Variants in RUBCNL observed in about 807,000 individuals in gnomAD.
The protein encoded by RUBCNL is rubicon like autophagy enhancer.
A neutral mutation model predicts 69.5 loss-of-function variants in RUBCNL; 62 were observed. That is an observed-to-expected ratio of 0.89 (90% CI 0.73 to 1.10). RUBCNL has a LOEUF of 1.10. Ranked by LOEUF, RUBCNL falls within the 50% of genes least tolerant of loss-of-function variation. RUBCNL has a pLI of 0.00. For missense variants in RUBCNL, 768 were observed against 798.1 expected (o/e 0.96, Z 0.45); for synonymous variants, 291 against 303.6 (o/e 0.96, Z 0.43).
chr13:46,356,567 G>A, intron 9 of RUBCNL, 71 bp from the exon 10 acceptor site: 1 of 1,328,082 alleles, frequency 7.5e-7, no homozygotes, highest in Non-Finnish European at 1.1e-6. Context: ...AATTAGAAAA[G>A]AAATTGCCAT....
rs560528077 is a variant in RUBCNL at position 46,335,451 on chromosome 13, C to T, written c.*7934G>A. Among the ~76,000 whole-genome samples, 4 of 151,874 alleles carry T rather than the reference C, an allele frequency of 2.6e-5. No individual in the cohort carries two copies. The highest frequency in any genetic ancestry group is 2.1e-4 in the South Asian group (1 of 4,812). ...AGAGGGTTTAATCCACGGAGATAGA[C>T]GATCTGATTTATGCTTTATAAACAT... is the stretch of plus-strand genomic sequence containing the variant. On this transcript the variant is annotated 3_prime_UTR_variant, in exon 15 of 15. Coordinates refer to ENST00000429979, the MANE Select transcript of RUBCNL (RefSeq NM_025113.5).
At position 46,339,964 on chromosome 13, in the gene RUBCNL, G is replaced by GT. The variant is rs1174724440; in HGVS notation, c.*3420dup. On this transcript the variant is annotated 3_prime_UTR_variant, in exon 15 of 15. Coordinates refer to ENST00000429979, the MANE Select transcript of RUBCNL (RefSeq NM_025113.5). ...GAAATCAAGGGGTCAGCCATGTTGG[G>GT]TTTTTTTTTTAAGGCTCTGAGGAAG... Among the ~76,000 whole-genome samples, 15 of 148,422 alleles carry GT rather than the reference G, an allele frequency of 1.0e-4. No individual in the cohort carries two copies. The highest frequency in any genetic ancestry group is 1.5e-4 in the African/African-American group (6 of 40,576).
chr13:46,340,544 G>A lies in RUBCNL; in HGVS notation c.*2841C>T, dbSNP rs2048134290. Among the ~76,000 whole-genome samples, 1 of 152,182 alleles carries A rather than the reference G, an allele frequency of 6.6e-6. No homozygotes were observed. Among genetic ancestry groups the A allele is most frequent in the African/African-American group, 2.4e-5 (1 of 41,440 alleles). On this transcript the variant is annotated 3_prime_UTR_variant, in exon 15 of 15. Coordinates refer to ENST00000429979, the MANE Select transcript of RUBCNL (RefSeq NM_025113.5). ...AGATAATTTAAATGGCTTCCCCAGT[G>A]TCTGAGTCTATTTGTGTTGCTATAA...
At chr13:46,352,980 T>C (rs1302361395) in intron 10 of RUBCNL, among the ~76,000 whole-genome samples, 3 of 152,142 alleles carry the variant, frequency 2.0e-5, no homozygotes, top group Admixed American at 6.5e-5. Flanking sequence ...ATTTCACTGA[T>C]GAAAGCACAA....
At position 46,372,128 on chromosome 13, in the gene RUBCNL, A is replaced by G; in HGVS notation, c.348T>C (p.Ser116=). The stretch of plus-strand genomic sequence containing the variant: ...TACTCTTTTCACTCGAGCCATGGGG[A>G]GAAGCGCTGCCAACGGAGTCTGTGG... The part of the protein sequence containing the change: ...EDTTDSVGSA[S]PHGSSEKSSS... Residue 116 remains serine, a synonymous_variant, in exon 3 of 15, where the codon TCT becomes TCC. Transcript: ENST00000429979. The G allele has an allele frequency of 1.9e-6, 3 of 1,613,962 alleles. No individual in the cohort carries two copies. The highest frequency in any genetic ancestry group is 1.7e-6 in the Non-Finnish European group (2 of 1,179,894).
rs373067134 is a variant in RUBCNL at position 46,368,212 on chromosome 13, G to A, written c.656C>T (p.Ser219Leu). ...AHFYVADMIISAMEKMKCNIL... is the reference protein window; with the variant it reads ...AHFYVADMIILAMEKMKCNIL... ...GTTACACTTCATTTTCTCCATTGCT[G>A]ATATAATCATATCTGCAACATAAAA... Residue 219 changes from serine (S) to leucine (L), a missense_variant, in exon 5 of 15, where the codon TCA (serine) becomes TTA (leucine). Transcript: ENST00000429979. 2.5e-6 allele frequency: 4 copies of A among 1,613,634 alleles called. No homozygotes were observed. Among genetic ancestry groups the A allele is most frequent in the Non-Finnish European group, 3.4e-6 (4 of 1,179,858 alleles).
At chr13:46,387,741 C>G (rs936264342), upstream of RUBCNL, 1 of 985,350 alleles carries the variant, frequency 1.0e-6, no homozygotes, top group Non-Finnish European at 1.2e-6. Context: ...GAGTCCGACT[C>G]ATGTAGCACT....
At chr13:46,387,359 A>G (rs2049274967), upstream of RUBCNL, 1 of 985,236 alleles carries the variant, frequency 1.0e-6, no homozygotes, top group Admixed American at 6.1e-5. Flanking sequence ...TCAGGGAAGC[A>G]AAGCGCCGTT....
At chr13:46,365,568 A>T (rs1477653107) in intron 5 of RUBCNL, among the ~76,000 whole-genome samples, 2 of 152,170 alleles carry the variant, frequency 1.3e-5, no homozygotes, top group African/African-American at 4.8e-5. Flanking sequence ...CAGTGGCAGG[A>T]CATTGCTTCT....
In RUBCNL at chr13:46,344,788, G is replaced by A. The variant is rs200512455; in HGVS notation, c.1829C>T (p.Thr610Met). 401 of 1,611,812 alleles carry A rather than the reference G, an allele frequency of 2.5e-4. No individual in the cohort carries two copies. The highest frequency in any genetic ancestry group is 2.6e-4 in the Non-Finnish European group (310 of 1,178,866). ...KGFICEFCQN[T>M]TVIFPFQTAT... is the part of the protein sequence containing the mutation. ...TGTCTGAAATGGGAAGATGACAGTC[G>A]TATTCTGGCAAAATTCACAAATAAA... The change falls in exon 14 of 15, where the codon ACG (threonine) becomes ATG (methionine). Residue 610 changes from threonine (T) to methionine (M), a missense_variant. Physicochemically the swap from Thr to Met is moderately conservative, Grantham distance 81 (BLOSUM62 -1). Coordinates refer to ENST00000429979, the MANE Select transcript of RUBCNL (RefSeq NM_025113.5).
chr13:46,358,713 C>A (rs915064984), intron 9 of RUBCNL, among the ~76,000 whole-genome samples: 2 of 152,042 alleles, frequency 1.3e-5, no homozygotes, highest in African/African-American at 4.8e-5. Flanking sequence ...ACCCACCACA[C>A]CTAGTTTATT....
upstream of RUBCNL, chr13:46,387,855 G>T (rs369249979): frequency 3.6e-5 from 35 of 985,476 alleles, no homozygotes; most frequent in East Asian, 1.2e-3. Context: ...GGTTAGTCCT[G>T]AGATCATGGT....
At chr13:46,355,862 AAG>A (rs1242763331) in intron 10 of RUBCNL, among the ~76,000 whole-genome samples, 1 of 151,516 alleles carries the variant, frequency 6.6e-6, no homozygotes, top group Non-Finnish European at 1.5e-5. Context: ...AGTAAAATAT[AAG>A]AGACTATTTT....
rs1317201190 is a variant in RUBCNL, at chr13:46,338,530, A to G, written c.*4855T>C. 6.6e-6 allele frequency among the ~76,000 whole-genome samples: 1 copy of G among 151,912 alleles called. No homozygotes were observed. Among genetic ancestry groups the G allele is most frequent in the Non-Finnish European group, 1.5e-5 (1 of 67,980 alleles). ...TGTCTGGGGCTCCATTTGATCTAAC[A>G]GGAGGGGTGGGGGCTTTGGGTGCGC... On this transcript the variant is annotated 3_prime_UTR_variant, in exon 15 of 15. Coordinates refer to ENST00000429979, the MANE Select transcript of RUBCNL (RefSeq NM_025113.5).
intron 1 of RUBCNL, among the ~76,000 whole-genome samples, chr13:46,384,925 C>G (rs1025797077): frequency 2.6e-5 from 4 of 152,184 alleles, no homozygotes; most frequent in Non-Finnish European, 5.9e-5. Flanking sequence ...CAAGTCCAAA[C>G]CCTGGAACCT....
chr13:46,343,388 T>G lies in RUBCNL; in HGVS notation c.1986A>C (p.Thr662=), dbSNP rs143587221. ...TTTTTCACAGTACTCAGGGGCATCA[T>G]GTTGCTGCAGAGGCCACACTTTCCA... ...KLLESVASAA[T] is the part of the protein sequence containing the mutation. Residue 662 remains threonine, a synonymous_variant, in exon 15 of 15, where the codon ACA becomes ACC. Coordinates refer to ENST00000429979, the MANE Select transcript of RUBCNL (RefSeq NM_025113.5). 3.7e-6 allele frequency: 6 copies of G among 1,613,040 alleles called. No homozygotes were observed. The highest frequency in any genetic ancestry group is 3.3e-5 in the Admixed American group (2 of 59,898).
Position 46,361,517 on chromosome 13 carries a change from C to A in RUBCNL, c.1043G>T (p.Arg348Leu), listed in dbSNP as rs139968164. 1 of 1,612,762 alleles carries A rather than the reference C, an allele frequency of 6.2e-7. No homozygotes were observed. Reference protein sequence around the residue: ...SAELLAKELYRVFQKCWILSV... With the variant: ...SAELLAKELYLVFQKCWILSV... The stretch of plus-strand genomic sequence containing the variant: ...CAGTATCCAGCACTTCTGGAACACG[C>A]GGTACAGCTCTTTGGCTAATAGTTC... The change falls in exon 8 of 15, where the codon CGC becomes CTC. Residue 348 changes from arginine to leucine, a missense_variant. Arg to Leu is a moderately radical substitution (Grantham distance 102). Coordinates refer to ENST00000429979, the MANE Select transcript of RUBCNL (RefSeq NM_025113.5).
At position 46,345,691 on chromosome 13, in the gene RUBCNL, A is replaced by G. The variant is rs1359403440; in HGVS notation, c.1632-91T>C. The G allele has an allele frequency of 2.4e-5, 31 of 1,296,174 alleles. No individual in the cohort carries two copies. The East Asian group carries it at 7.9e-4, about 33-fold the overall frequency. The allele number at this position is 1,296,174 out of a possible 1,614,324, so 80.3% of individuals were successfully genotyped here. A position where few individuals can be genotyped will look rare whatever the true frequency, so the allele number is the denominator to read the frequency against. Reference sequence around the variant, plus strand: ...CCAGTTGTTTTCTCTTGGCACTCACACTTAATTTTTTTTTAACTCAATTTA... The same window carrying G: ...CCAGTTGTTTTCTCTTGGCACTCACGCTTAATTTTTTTTTAACTCAATTTA... On this transcript the variant is annotated intron_variant, in intron 12 of 14. Transcript: ENST00000429979.
Position 46,336,886 on chromosome 13 carries a change from T to C in RUBCNL, c.*6499A>G, listed in dbSNP as rs2048108249. 6.6e-6 allele frequency among the ~76,000 whole-genome samples: 1 copy of C among 152,134 alleles called. No individual in the cohort carries two copies. The highest frequency in any genetic ancestry group is 1.5e-5 in the Non-Finnish European group (1 of 68,030). The stretch of plus-strand genomic sequence containing the variant: ...CTCTGCATATTCCTTTATTTTTTAA[T>C]GTAAGGAATACTAGATAATATGGAT... On this transcript the variant is annotated 3_prime_UTR_variant, in exon 15 of 15. Transcript: ENST00000429979.
Sources: gnomAD v4.1 joint callset for allele counts (sites outside exome capture counted in the v4.1 genomes callset) on GRCh38, gnomAD v4.1.1 for gene constraint, MANE v1.5 for transcripts, NCBI Gene and HGNC (gene_info 2026-07-23, HGNC 2026-07-21) for gene names.